Variants in ME3 observed in about 807,000 individuals in gnomAD.
ME3 encodes malic enzyme 3.
In ME3, 48 loss-of-function variants were observed where a neutral mutation model predicts 68.9. The ratio of observed to expected loss-of-function variants is 0.70; its 90% CI spans 0.55 to 0.89. The LOEUF is 0.89. Ranked by LOEUF, ME3 falls within the 40% of genes least tolerant of loss-of-function variation. ME3 has a pLI of 0.00. For synonymous variants in ME3, 320 were observed against 318.8 expected (o/e 1.00, Z -0.04); for missense variants, 675 against 797.4 (o/e 0.85, Z 1.85).
intron 4 of ME3, among the ~76,000 whole-genome samples, chr11:86,537,242 T>A (rs978645383): frequency 6.6e-6 from 1 of 151,408 alleles, no homozygotes; most frequent in African/African-American, 2.4e-5. Flanking sequence ...CATATGTAAC[T>A]AACCTGCACA....
intron 4 of ME3, among the ~76,000 whole-genome samples, chr11:86,523,536 A>G (rs1044568360): frequency 6.6e-6 from 1 of 152,104 alleles, no homozygotes; most frequent in Non-Finnish European, 1.5e-5. Context: ...GAATTTGCAA[A>G]TCTCAGATAT....
chr11:86,629,844 G>A (rs1943902510), intron 2 of ME3, among the ~76,000 whole-genome samples: 1 of 152,192 alleles, frequency 6.6e-6, no homozygotes, highest in Admixed American at 6.5e-5. Context: ...TAGCAGCTTA[G>A]ATGGCTGAGA....
chr11:86,630,928 G>A (rs1943974495), intron 2 of ME3, among the ~76,000 whole-genome samples: 1 of 152,212 alleles, frequency 6.6e-6, no homozygotes, highest in African/African-American at 2.4e-5. Context: ...GGGTGAGGGA[G>A]GGCAGGTGGT....
At chr11:86,630,007 A>G (rs1943912563) in intron 2 of ME3, among the ~76,000 whole-genome samples, 1 of 152,094 alleles carries the variant, frequency 6.6e-6, no homozygotes, top group Non-Finnish European at 1.5e-5. Context: ...TTGTTTCAGA[A>G]CTCTAGACCT....
intron 4 of ME3, among the ~76,000 whole-genome samples, chr11:86,542,945 CA>C (rs1956136896): frequency 6.6e-6 from 1 of 152,198 alleles, no homozygotes; most frequent in South Asian, 2.1e-4. Flanking sequence ...ATCGGACTAA[CA>C]GAGGATCTTT....
chr11:86,521,431 A>T (rs659781), intron 4 of ME3, among the ~76,000 whole-genome samples: 10,339 of 145,312 alleles, frequency 0.071, 520 homozygotes, highest in East Asian at 0.24. Flanking sequence ...AACAAAACAA[A>T]AATAATAATA....
At chr11:86,467,531 T>C (rs957296919) in intron 7 of ME3, among the ~76,000 whole-genome samples, 3 of 152,222 alleles carry the variant, frequency 2.0e-5, no homozygotes, top group Non-Finnish European at 4.4e-5. Flanking sequence ...GACATTTTGC[T>C]ATATATAATT....
At chr11:86,536,631 A>G (rs28678569) in intron 4 of ME3, among the ~76,000 whole-genome samples, 9,301 of 144,644 alleles carry the variant, frequency 0.064, 525 homozygotes, top group Non-Finnish European at 0.088. Flanking sequence ...AAAAGTCAGG[A>G]AACAACAGGT....
chr11:86,556,042 G>C (rs1163151247), intron 4 of ME3, among the ~76,000 whole-genome samples: 16 of 151,978 alleles, frequency 1.1e-4, no homozygotes, highest in Non-Finnish European at 2.9e-5. Context: ...AAAATTCTTT[G>C]GCTCTGAGAG....
chr11:86,450,065 A>T, intron 9 of ME3, 63 bp from the exon 10 acceptor site: 1 of 1,319,818 alleles, frequency 7.6e-7, no homozygotes, highest in Non-Finnish European at 1.1e-6. Context: ...CATTTATCTG[A>T]TGTCTTGCCA....
chr11:86,435,580 G>A, the ME3 span: 1 of 152,224 alleles, frequency 6.6e-6, no homozygotes, highest in South Asian at 2.1e-4. Context: ...CAACAAATTG[G>A]AAAATTAAGA....
downstream of ME3, among the ~76,000 whole-genome samples, chr11:86,438,217 G>A (rs568735441): frequency 1.3e-5 from 2 of 151,484 alleles, no homozygotes; most frequent in South Asian, 2.1e-4. Context: ...TGCTTTCTTC[G>A]TATCTATTGG....
intron 4 of ME3, among the ~76,000 whole-genome samples, chr11:86,548,454 G>A (rs924566800): frequency 6.6e-6 from 1 of 152,100 alleles, no homozygotes; most frequent in East Asian, 1.9e-4. Flanking sequence ...CCAAGCCACG[G>A]CATCAAATAA....
intron 4 of ME3, among the ~76,000 whole-genome samples, chr11:86,539,402 A>G (rs2139333123): frequency 6.6e-6 from 1 of 152,278 alleles, no homozygotes; most frequent in South Asian, 2.1e-4. Context: ...TAGACAACCC[A>G]TGCCACACTT....
intron 2 of ME3, among the ~76,000 whole-genome samples, chr11:86,602,815 T>C (rs1340818732): frequency 2.6e-5 from 4 of 152,136 alleles, no homozygotes; most frequent in Non-Finnish European, 5.9e-5. Context: ...AACTATCTGA[T>C]CTTTGACAAA....
At chr11:86,615,435 CAG>C (rs1364030773) in intron 2 of ME3, among the ~76,000 whole-genome samples, 1 of 152,124 alleles carries the variant, frequency 6.6e-6, no homozygotes, top group Non-Finnish European at 1.5e-5. Flanking sequence ...AATGGAGAAA[CAG>C]AGAATTAAGT....
intron 2 of ME3, among the ~76,000 whole-genome samples, chr11:86,605,005 A>T (rs890497317): frequency 1.3e-5 from 2 of 152,208 alleles, no homozygotes; most frequent in African/African-American, 4.8e-5. Context: ...GTTGCTCCCC[A>T]TTTCTCCTAT....
chr11:86,557,104 T>A (rs926200075), intron 3 of ME3, among the ~76,000 whole-genome samples: 6 of 152,206 alleles, frequency 3.9e-5, no homozygotes, highest in Non-Finnish European at 5.9e-5. Flanking sequence ...CTGTTCAAGA[T>A]GCTTATGATA....
intron 5 of ME3, among the ~76,000 whole-genome samples, chr11:86,504,219 G>C (rs538464051): frequency 3.9e-5 from 6 of 152,148 alleles, no homozygotes; most frequent in Non-Finnish European, 7.4e-5. Context: ...CAGGCCTAAA[G>C]ATACCTGTGC....
Sources: gnomAD v4.1 joint callset for allele counts (sites outside exome capture counted in the v4.1 genomes callset) on GRCh38, gnomAD v4.1.1 for gene constraint, MANE v1.5 for transcripts, NCBI Gene and HGNC (gene_info 2026-07-23, HGNC 2026-07-21) for gene names.